Variants in NDUFB3 observed in about 807,000 individuals in gnomAD.
The protein encoded by NDUFB3 is NADH:ubiquinone oxidoreductase subunit B3.
Under a neutral mutation model 9.0 loss-of-function variants are expected in NDUFB3, and 7 were observed. That is an observed-to-expected ratio of 0.78 (90% CI 0.44 to 1.46). The LOEUF is 1.46. Among genes scored for constraint, NDUFB3 ranks in the 40% most tolerant of loss-of-function variants. NDUFB3 has a pLI of 0.01. For synonymous variants in NDUFB3, 29 were observed against 38.5 expected (o/e 0.75, Z 0.91); for missense variants, 93 against 115.4 (o/e 0.81, Z 0.89).
At position 201,083,411 on chromosome 2, in the gene NDUFB3, A is replaced by G. The variant is rs139288855; in HGVS notation, c.141-2048A>G. Among the ~76,000 whole-genome samples, 1,054 of 146,590 alleles carry G rather than the reference A, an allele frequency of 7.2e-3. 8 individuals are homozygous for G. Among genetic ancestry groups the G allele is most frequent in the African/African-American group, 0.025 (998 of 39,260 alleles). On this transcript the variant is annotated intron_variant, in intron 2 of 2. Coordinates refer to ENST00000237889, the MANE Select transcript of NDUFB3 (RefSeq NM_002491.3). ...CTCTTGTTGCCCAGGCTGGAGTGCA[A>G]TGGCGAGATCTTGGCTCACCGCAAC... is the stretch of plus-strand genomic sequence containing the variant.
At chr2:201,085,108 C>T (rs550203158) in intron 2 of NDUFB3, among the ~76,000 whole-genome samples, 18 of 152,252 alleles carry the variant, frequency 1.2e-4, no homozygotes, top group African/African-American at 3.9e-4. Flanking sequence ...AGATTAATAC[C>T]AAGTCTCTAA....
chr2:201,081,976 C>T (rs1251180472), intron 2 of NDUFB3, among the ~76,000 whole-genome samples: 6 of 151,902 alleles, frequency 3.9e-5, no homozygotes, highest in Non-Finnish European at 5.9e-5. Context: ...CCACTATGCC[C>T]GGCTAATTTT....
At chr2:201,078,690 T>C (rs2047191945) in intron 1 of NDUFB3, among the ~76,000 whole-genome samples, 191 bp from the exon 2 acceptor site, 1 of 152,204 alleles carries the variant, frequency 6.6e-6, no homozygotes, top group African/African-American at 2.4e-5. Context: ...TGTGTATGTG[T>C]ATTTCCTAAC....
chr2:201,081,644 T>A (rs1559149692), intron 2 of NDUFB3, among the ~76,000 whole-genome samples: 1 of 150,694 alleles, frequency 6.6e-6, no homozygotes, highest in Non-Finnish European at 1.5e-5. Context: ...AATTATTTAT[T>A]TTATTTTATT....
chr2:201,085,425 G>C (rs1294991384), intron 2 of NDUFB3, 34 bp from the exon 3 acceptor site: 2 of 1,545,850 alleles, frequency 1.3e-6, no homozygotes, highest in East Asian at 4.5e-5. Flanking sequence ...CACACGTTGT[G>C]TATGATTATA....
At chr2:201,079,431 C>G (rs2125535192) in intron 2 of NDUFB3, among the ~76,000 whole-genome samples, 1 of 152,044 alleles carries the variant, frequency 6.6e-6, no homozygotes, top group African/African-American at 2.4e-5. Flanking sequence ...GCATGAGCCA[C>G]CACGCCTGGC....
chr2:201,074,657 A>G (rs1381175497), intron 1 of NDUFB3, among the ~76,000 whole-genome samples: 1 of 151,666 alleles, frequency 6.6e-6, no homozygotes, highest in Non-Finnish European at 1.5e-5. Flanking sequence ...GGGTTTCCCC[A>G]TGTTGGCCAG....
chr2:201,083,564 C>G (rs1256794835), intron 2 of NDUFB3, among the ~76,000 whole-genome samples: 1 of 151,662 alleles, frequency 6.6e-6, no homozygotes, highest in African/African-American at 2.4e-5. Context: ...CCAGGCTGGT[C>G]TCAAGCTCCC....
intron 1 of NDUFB3, among the ~76,000 whole-genome samples, chr2:201,073,538 G>A (rs2047123055): frequency 6.6e-6 from 1 of 152,194 alleles, no homozygotes; most frequent in South Asian, 2.1e-4. Context: ...GGTGGCCGAG[G>A]CAGGCGGATA....
intron 1 of NDUFB3, among the ~76,000 whole-genome samples, chr2:201,074,872 G>A (rs2047143637): frequency 6.6e-6 from 1 of 152,130 alleles, no homozygotes; most frequent in Admixed American, 6.6e-5. Flanking sequence ...CAGCTCTCAC[G>A]ATCTTGCAAG....
chr2:201,082,091 C>G (rs1427914931), intron 2 of NDUFB3, among the ~76,000 whole-genome samples: 1 of 152,078 alleles, frequency 6.6e-6, no homozygotes, highest in Non-Finnish European at 1.5e-5. Context: ...GCTGGGATTA[C>G]AGGCATGAGC....
intron 1 of NDUFB3, among the ~76,000 whole-genome samples, chr2:201,075,933 G>A (rs2047158695): frequency 6.6e-6 from 1 of 152,084 alleles, no homozygotes; most frequent in African/African-American, 2.4e-5. Flanking sequence ...TGTTTTAAGT[G>A]TTTTTAAAAT....
At chr2:201,073,561 G>A (rs1559147042) in intron 1 of NDUFB3, among the ~76,000 whole-genome samples, 1 of 152,174 alleles carries the variant, frequency 6.6e-6, no homozygotes, top group African/African-American at 2.4e-5. Flanking sequence ...GAGGTCCAGA[G>A]ATCGAGACCA....
chr2:201,076,126 G>A (rs548870946), intron 1 of NDUFB3, among the ~76,000 whole-genome samples: 3 of 152,020 alleles, frequency 2.0e-5, no homozygotes, highest in African/African-American at 7.3e-5. Flanking sequence ...AAGTAATAAT[G>A]GGTTAAATGT....
At chr2:201,074,532 C>T (rs1431919883) in intron 1 of NDUFB3, among the ~76,000 whole-genome samples, 1 of 148,856 alleles carries the variant, frequency 6.7e-6, no homozygotes. Flanking sequence ...TCTCGGCTCA[C>T]TGCAACCTCC....
chr2:201,085,747 C>G lies in NDUFB3; in HGVS notation c.*132C>G, dbSNP rs1444858070. On this transcript the variant is annotated 3_prime_UTR_variant, in exon 3 of 3. Transcript: ENST00000237889. ...TAATCAATTAAAATATATATATATG[C>G]CAATCTGCTTTTGTCATTCTTAAAA... 1.5e-6 allele frequency: 1 copy of G among 654,418 alleles called. No individual in the cohort carries two copies. Among genetic ancestry groups the G allele is most frequent in the Non-Finnish European group, 2.3e-6 (1 of 436,710 alleles). The allele number at this position is 654,418 out of a possible 1,614,324, so 40.5% of individuals were successfully genotyped here. A position where few individuals can be genotyped will look rare whatever the true frequency, so the allele number is the denominator to read the frequency against.
intron 2 of NDUFB3, among the ~76,000 whole-genome samples, chr2:201,080,805 G>T (rs185354036): frequency 6.9e-6 from 1 of 144,864 alleles, no homozygotes; most frequent in Admixed American, 7.3e-5. Context: ...CCGGGTTCAC[G>T]CCATTCTCCT....
intron 2 of NDUFB3, among the ~76,000 whole-genome samples, chr2:201,084,865 C>G (rs932555449): frequency 1.3e-5 from 2 of 151,898 alleles, no homozygotes; most frequent in Non-Finnish European, 2.9e-5. Context: ...TTCCAAAATT[C>G]AGGCTGCTAT....
At chr2:201,082,266 T>TTGTC (rs1205638468) in intron 2 of NDUFB3, among the ~76,000 whole-genome samples, 1 of 151,674 alleles carries the variant, frequency 6.6e-6, no homozygotes, top group East Asian at 1.9e-4. Context: ...GTTTGTTTGT[T>TTGTC]TGTTTGTTTG....
Sources: gnomAD v4.1 joint callset for allele counts (sites outside exome capture counted in the v4.1 genomes callset) on GRCh38, gnomAD v4.1.1 for gene constraint, MANE v1.5 for transcripts, NCBI Gene and HGNC (gene_info 2026-07-23, HGNC 2026-07-21) for gene names.